PKP4: variants seen among roughly 807,000 people sequenced by gnomAD.
The protein encoded by PKP4 is plakophilin-4.
PKP4 carries 90 observed loss-of-function variants against 145.1 expected under a neutral mutation model. That is an observed-to-expected ratio of 0.62 (90% CI 0.52 to 0.74). PKP4 has a LOEUF of 0.74. Among genes scored for constraint, PKP4 ranks in the 30% least tolerant of loss-of-function variants. The pLI is 0.00. For missense variants in PKP4, 1,340 were observed against 1,482.7 expected, an observed-to-expected ratio of 0.90 and a Z score of 1.58; for synonymous variants, 563 against 577.2, an observed-to-expected ratio of 0.98 and a Z score of 0.35.
At chr2:158,641,537 GC>G (rs2105931724) in intron 10 of PKP4, among the ~76,000 whole-genome samples, 2 of 152,130 alleles carry the variant, frequency 1.3e-5, no homozygotes, top group African/African-American at 4.8e-5. Flanking sequence ...CTGGTTATTG[GC>G]TATAATTCTA....
chr2:158,635,305 C>A (rs1362288570), intron 9 of PKP4, among the ~76,000 whole-genome samples: 2 of 152,152 alleles, frequency 1.3e-5, no homozygotes, highest in Non-Finnish European at 2.9e-5. Flanking sequence ...TCCTGAAATT[C>A]TTTAAGCTAT....
intron 2 of PKP4, among the ~76,000 whole-genome samples, chr2:158,534,569 G>C (rs796794977): frequency 1.3e-4 from 20 of 152,322 alleles, no homozygotes; most frequent in African/African-American, 4.8e-4. Context: ...GACCCACGGA[G>C]CTGTTAAGAT....
chr2:158,519,885 T>C (rs2042226555), intron 1 of PKP4, among the ~76,000 whole-genome samples: 1 of 152,168 alleles, frequency 6.6e-6, no homozygotes, highest in Non-Finnish European at 1.5e-5. Flanking sequence ...TATCTTTGTA[T>C]ACCCTTAACA....
intron 1 of PKP4, among the ~76,000 whole-genome samples, chr2:158,482,275 TTC>T (rs1220177119): frequency 6.6e-6 from 1 of 152,268 alleles, no homozygotes; most frequent in African/African-American, 2.4e-5. Context: ...TATCCTGAAA[TTC>T]TCTCTTTACC....
At position 158,642,628 on chromosome 2, in the gene PKP4, T is replaced by C; in HGVS notation, c.1838T>C (p.Val613Ala). 6.2e-7 allele frequency: 1 copy of C among 1,613,458 alleles called. No homozygotes were observed. The highest frequency in any genetic ancestry group is 8.5e-7 in the Non-Finnish European group (1 of 1,179,568). ...TDENKIAMKN[V>A]GGIPALLRLL... The stretch of plus-strand genomic sequence containing the variant: ...GAAAATAAAATAGCAATGAAGAATG[T>C]TGGTGGGATACCTGCCTTGTTGCGA... Residue 613 changes from valine to alanine, a missense_variant, in exon 11 of 22, where the codon GTT becomes GCT. Physicochemically the swap from Val to Ala is moderately conservative, Grantham distance 64. Coordinates refer to ENST00000389759, the MANE Select transcript of PKP4 (RefSeq NM_003628.6).
At chr2:158,639,643 A>T (rs1009868534) in intron 9 of PKP4, among the ~76,000 whole-genome samples, 1 of 152,236 alleles carries the variant, frequency 6.6e-6, no homozygotes, top group African/African-American at 2.4e-5. Flanking sequence ...ACAAACTCAC[A>T]TTTAACAAGA....
chr2:158,481,988 C>G (rs1693428314), intron 1 of PKP4, among the ~76,000 whole-genome samples: 1 of 152,150 alleles, frequency 6.6e-6, no homozygotes, highest in South Asian at 2.1e-4. Context: ...CTGTATTCTA[C>G]TTGGAATAAT....
chr2:158,658,123 T>G lies in PKP4; in HGVS notation c.1910-8T>G, dbSNP rs760055484. 1 of 1,536,392 alleles carries G rather than the reference T, an allele frequency of 6.5e-7. No homozygotes were observed. On this transcript the variant is annotated splice_region_variant and splice_polypyrimidine_tract_variant and intron_variant, in intron 11 of 21. Transcript: ENST00000389759. Reference sequence around the variant, plus strand: ...TATTTGTTTGATTTTTTAAATCTCCTTTTTTAGGAGTTCTTTGGAATTTAT... The same window carrying G: ...TATTTGTTTGATTTTTTAAATCTCCGTTTTTAGGAGTTCTTTGGAATTTAT...
In PKP4 at chr2:158,673,890, G is replaced by T. The variant is rs780195368; in HGVS notation, c.3017G>T (p.Trp1006Leu). ...TTTCTCTTAACTCTGCAGGATGGGT[G>T]GAATCAGAACCATTTTATTACACCT... ...DLRSIYKKDG[W>L]NQNHFITPVS... The change falls in exon 19 of 22, where the codon TGG becomes TTG. Residue 1006 changes from tryptophan (W) to leucine (L), a missense_variant. Transcript: ENST00000389759. 1.2e-6 allele frequency: 2 copies of T among 1,602,528 alleles called. No homozygotes were observed. Among genetic ancestry groups the T allele is most frequent in the South Asian group, 1.1e-5 (1 of 90,858 alleles).
intron 1 of PKP4, among the ~76,000 whole-genome samples, chr2:158,473,001 A>G (rs1691836481): frequency 6.6e-6 from 1 of 152,246 alleles, no homozygotes; most frequent in Admixed American, 6.5e-5. Context: ...GGCAAAGGAC[A>G]TGAACAGACA....
intron 9 of PKP4, among the ~76,000 whole-genome samples, chr2:158,637,337 G>C (rs4404225): frequency 0.78 from 119,383 of 152,084 alleles, 49,426 homozygotes; most frequent in East Asian, 0.97. Flanking sequence ...TCCACATCAC[G>C]TGGTACCTGT....
At chr2:158,535,346 C>G (rs1309794684) in intron 2 of PKP4, among the ~76,000 whole-genome samples, 1 of 152,158 alleles carries the variant, frequency 6.6e-6, no homozygotes, top group Non-Finnish European at 1.5e-5. Context: ...CTGTTACATG[C>G]AATTGCAATA....
At chr2:158,582,658 C>T (rs1194552678) in intron 3 of PKP4, among the ~76,000 whole-genome samples, 1 of 152,134 alleles carries the variant, frequency 6.6e-6, no homozygotes, top group Non-Finnish European at 1.5e-5. Context: ...CCCGTGTGTC[C>T]CCATTAACAT....
At chr2:158,577,424 A>G in intron 3 of PKP4, 41 bp downstream of exon 3, 1 of 1,224,640 alleles carries the variant, frequency 8.2e-7, no homozygotes, top group South Asian at 1.2e-5. Flanking sequence ...CACTCAAGTT[A>G]CATGCCTTAC....
intron 1 of PKP4, among the ~76,000 whole-genome samples, chr2:158,492,288 T>C (rs1488369855): frequency 6.6e-6 from 1 of 152,136 alleles, no homozygotes; most frequent in East Asian, 1.9e-4. Context: ...CTTCCCCCTG[T>C]TCAGATATTC....
At chr2:158,468,470 G>A (rs1691001291) in intron 1 of PKP4, among the ~76,000 whole-genome samples, 1 of 152,032 alleles carries the variant, frequency 6.6e-6, no homozygotes, top group South Asian at 2.1e-4. Flanking sequence ...TTTTTCTTTA[G>A]ATAGCAGGCA....
chr2:158,661,698 C>T (rs1558972247), intron 13 of PKP4: 4 of 336,348 alleles, frequency 1.2e-5, no homozygotes, highest in Non-Finnish European at 1.7e-5. Flanking sequence ...TTCCCCTAGG[C>T]TCATTCTCAG....
chr2:158,651,850 G>A (rs1023859573), intron 11 of PKP4, among the ~76,000 whole-genome samples: 1 of 152,022 alleles, frequency 6.6e-6, no homozygotes, highest in African/African-American at 2.4e-5. Flanking sequence ...TGGTGTTTTT[G>A]TGATGATGTG....
chr2:158,508,387 AAG>A (rs1312206142), intron 1 of PKP4, among the ~76,000 whole-genome samples: 132 of 24,514 alleles, frequency 5.4e-3, no homozygotes, highest in African/African-American at 0.031. Flanking sequence ...AAAAAAAAAA[AAG>A]AAGAAGAAGA....
Sources: gnomAD v4.1 joint callset for allele counts (sites outside exome capture counted in the v4.1 genomes callset) on GRCh38, gnomAD v4.1.1 for gene constraint, MANE v1.5 for transcripts, NCBI Gene and HGNC (gene_info 2026-07-23, HGNC 2026-07-21) for gene names.